Variants in SRR observed in about 807,000 individuals in gnomAD.
The protein encoded by SRR is serine racemase, also known as D-serine ammonia-lyase.
Under a neutral mutation model 32.7 loss-of-function variants are expected in SRR, and 19 were observed. The ratio of observed to expected loss-of-function variants is 0.58; its 90% confidence interval spans 0.40 to 0.85. The LOEUF is 0.85. Ranked by LOEUF, SRR falls within the 40% of genes least tolerant of loss-of-function variation. The pLI is 0.00. For synonymous variants in SRR, 142 were observed against 140.9 expected (o/e 1.01, Z -0.06); for missense variants, 373 against 404.7 (o/e 0.92, Z 0.67).
intron 6 of SRR, 43 bp from the exon 7 acceptor site, chr17:2,323,093 G>A (rs779131384): frequency 6.3e-7 from 1 of 1,592,874 alleles, no homozygotes; most frequent in Non-Finnish European, 8.6e-7. Flanking sequence ...TGCAGGCAAT[G>A]TTGTGGTTTG....
intron 1 of SRR, among the ~76,000 whole-genome samples, chr17:2,312,383 C>T (rs369090995): frequency 6.6e-6 from 1 of 152,086 alleles, no homozygotes; most frequent in Non-Finnish European, 1.5e-5. Context: ...ATCACGAAGT[C>T]AGGAGATCGA....
At chr17:2,311,369 C>T (rs538245698) in intron 1 of SRR, among the ~76,000 whole-genome samples, 5 of 152,154 alleles carry the variant, frequency 3.3e-5, no homozygotes, top group Admixed American at 2.6e-4. Flanking sequence ...GTCATGGTGG[C>T]TCACGCCTGT....
chr17:2,303,700 A>G, upstream of SRR: 1 of 1,496,870 alleles, frequency 6.7e-7, no homozygotes, highest in Non-Finnish European at 8.9e-7. Context: ...AGATCCGCAC[A>G]CGCTCCAGCC....
At chr17:2,319,738 C>T (rs1052772324) in intron 4 of SRR, among the ~76,000 whole-genome samples, 3 of 152,182 alleles carry the variant, frequency 2.0e-5, no homozygotes, top group Admixed American at 6.6e-5. Context: ...CCAAACTGGT[C>T]TCTCTGCATC....
At chr17:2,318,115 T>C in intron 3 of SRR, 119 bp downstream of exon 3, 2 of 1,184,784 alleles carry the variant, frequency 1.7e-6, no homozygotes, top group Admixed American at 2.7e-5. Context: ...CTCTATCTGA[T>C]TGCAAGCAAT....
chr17:2,324,936 G>A lies in SRR; in HGVS notation c.*1063G>A. Reference sequence around the variant, plus strand: ...TGCAAGAGCCTGGTTTGTCATCCCTGCCCTAGCCCAATCTGAGGCTAAGAT... The same window carrying A: ...TGCAAGAGCCTGGTTTGTCATCCCTACCCTAGCCCAATCTGAGGCTAAGAT... On this transcript the variant is annotated 3_prime_UTR_variant, in exon 8 of 8. Coordinates refer to ENST00000344595, the MANE Select transcript of SRR (RefSeq NM_021947.3). 1 of 1,297,244 alleles carries A rather than the reference G, an allele frequency of 7.7e-7. No individual in the cohort carries two copies. Among genetic ancestry groups the A allele is most frequent in the Non-Finnish European group, 1.0e-6 (1 of 964,778 alleles). 80.4% of individuals were successfully genotyped at this position (1,297,244 alleles called of 1,614,324 possible).
chr17:2,309,024 A>G (rs2075414976), intron 1 of SRR, among the ~76,000 whole-genome samples: 1 of 152,160 alleles, frequency 6.6e-6, no homozygotes, highest in Admixed American at 6.6e-5. Flanking sequence ...AGGCTGAGGC[A>G]GGAGAATCGC....
chr17:2,306,749 T>C lies in SRR; in HGVS notation c.-5+2732T>C, dbSNP rs554224339. The C allele has an allele frequency of 3.1e-4, 189 of 612,382 alleles. 1 individual carries two copies. Among genetic ancestry groups the C allele is most frequent in the South Asian group, 2.8e-3 (153 of 54,782 alleles). The allele number at this position is 612,382 out of a possible 1,614,324, so 37.9% of individuals were successfully genotyped here. ...AAACAAAACAAACACTTTCCACCCA[T>C]GGACACCGCCAAGTCTAAGTCAGAG... On this transcript the variant is annotated intron_variant, in intron 1 of 7. Transcript: ENST00000344595.
chr17:2,303,870 T>TTTTCCTCCCAGCGC, upstream of SRR: 1 of 450,960 alleles, frequency 2.2e-6, no homozygotes, highest in Non-Finnish European at 3.5e-6. Context: ...GTGGCCGCGC[T>TTTTCCTCCCAGCGC]GGGAGGAAAA....
At chr17:2,318,306 G>A (rs1215407793) in intron 3 of SRR, among the ~76,000 whole-genome samples, 1 of 151,694 alleles carries the variant, frequency 6.6e-6, no homozygotes, top group East Asian at 1.9e-4. Flanking sequence ...CACCACGCCT[G>A]GCTAATTTTT....
chr17:2,308,840 C>T (rs1002748904), intron 1 of SRR, among the ~76,000 whole-genome samples: 11 of 150,520 alleles, frequency 7.3e-5, no homozygotes, highest in Middle Eastern at 3.3e-3. Context: ...AAATATTGGC[C>T]GGGTGTGGTG....
In SRR at chr17:2,321,566, G is replaced by C; in HGVS notation, c.544G>C (p.Val182Leu). 1 of 1,614,090 alleles carries C rather than the reference G, an allele frequency of 6.2e-7. No homozygotes were observed. The change falls in exon 6 of 8, where the codon GTA (valine) becomes CTA (leucine). Residue 182 changes from valine (V) to leucine (L), a missense_variant. By Grantham distance (32) the Val-to-Leu change is conservative (BLOSUM62 1). Coordinates refer to ENST00000344595, the MANE Select transcript of SRR (RefSeq NM_021947.3). ...NQVPLVDALV[V>L]PVGGGGMLAG... ...GGTTCCTTTGGTGGATGCACTGGTG[G>C]TACCTGTAGGTGGAGGAGGAATGCT...
In SRR at chr17:2,324,647, C is replaced by T. The variant is rs138430923; in HGVS notation, c.*774C>T. ...ACAAAATGTAAACCCAACCTTTATA[C>T]CACAAAGGCAATCAGATCCCATCCT... On this transcript the variant is annotated 3_prime_UTR_variant, in exon 8 of 8. Transcript: ENST00000344595. 6.2e-7 allele frequency: 1 copy of T among 1,613,884 alleles called. No individual in the cohort carries two copies. Among genetic ancestry groups the T allele is most frequent in the Admixed American group, 1.7e-5 (1 of 60,010 alleles).
chr17:2,318,089 A>C, intron 3 of SRR, 93 bp downstream of exon 3: 1 of 1,352,052 alleles, frequency 7.4e-7, no homozygotes. Flanking sequence ...TGTGGGAAGT[A>C]ACTTTCCAAA....
chr17:2,312,109 G>T (rs1315911673), intron 1 of SRR, among the ~76,000 whole-genome samples: 1 of 151,804 alleles, frequency 6.6e-6, no homozygotes, highest in African/African-American at 2.4e-5. Flanking sequence ...CCAGGTACTT[G>T]GGAGGCTGAG....
chr17:2,313,733 CA>C, intron 1 of SRR, among the ~76,000 whole-genome samples: 1 of 150,494 alleles, frequency 6.6e-6, no homozygotes, highest in South Asian at 2.1e-4. Context: ...AACTCCATCT[CA>C]AAAAAACAAC....
chr17:2,310,632 G>A (rs1180182657), intron 1 of SRR, among the ~76,000 whole-genome samples: 9 of 152,014 alleles, frequency 5.9e-5, no homozygotes, highest in Non-Finnish European at 1.3e-4. Flanking sequence ...AGGCTGGAGT[G>A]CAGTGGAACA....
intron 1 of SRR, among the ~76,000 whole-genome samples, chr17:2,314,256 C>T (rs1382122203): frequency 6.6e-6 from 1 of 151,758 alleles, no homozygotes; most frequent in Non-Finnish European, 1.5e-5. Context: ...TCGAGACCAG[C>T]CTGCACAACA....
chr17:2,312,196 A>G (rs2075438141), intron 1 of SRR, among the ~76,000 whole-genome samples: 1 of 150,014 alleles, frequency 6.7e-6, no homozygotes, highest in Non-Finnish European at 1.5e-5. Context: ...AGCCTGGACA[A>G]CAGAGTGAGA....
Sources: allele counts gnomAD v4.1 joint callset (sites outside exome capture counted in the v4.1 genomes callset), GRCh38; gene constraint gnomAD v4.1.1; transcripts MANE v1.5; gene names NCBI Gene and HGNC (gene_info 2026-07-23, HGNC 2026-07-21).